Variants in POLM observed in about 807,000 individuals in gnomAD.
The protein encoded by POLM is DNA-directed DNA/RNA polymerase mu.
A neutral mutation model predicts 56.7 loss-of-function variants in POLM; 52 were observed. The ratio of observed to expected loss-of-function variants is 0.92; its 90% CI spans 0.73 to 1.15. The LOEUF (loss-of-function observed/expected upper bound fraction) is 1.15. Ranked by LOEUF, POLM falls within the 50% of genes most tolerant of loss-of-function variation. The pLI is 0.00. For missense variants in POLM, 660 were observed against 663.6 expected (o/e 0.99, Z 0.06); for synonymous variants, 273 against 274.3 (o/e 1.00, Z 0.05).
rs776489650 is a variant in POLM at position 44,074,169 on chromosome 7, C to T, written c.1033G>A (p.Gly345Arg). The T allele has an allele frequency of 1.9e-6, 3 of 1,603,272 alleles. No individual in the cohort carries two copies. The South Asian group carries it at 3.3e-5, about 18-fold the overall frequency. Residue 345 changes from glycine (G) to arginine (R), a missense_variant, in exon 8 of 11, where the codon GGG (glycine) becomes AGG (arginine). Physicochemically the swap from Gly to Arg is moderately radical, Grantham distance 125. Transcript: ENST00000242248. ...CGGCACATCACTCTAGGCAGCAGCC[C>T]CGCCTCCTGACCCTCCTTGGGGTGG... ...ITHPKEGQEA[G>R]LLPRVMCRLQ...
In POLM at chr7:44,073,152, T is replaced by C. The variant is rs28382662; in HGVS notation, c.*139A>G. On this transcript the variant is annotated 3_prime_UTR_variant, in exon 11 of 11. Transcript: ENST00000242248. ...GGCTCAACTGATCCTGCAGGCACAATTGACCTCCGGAAGAGCCAGGCCTTG... is the reference window on the plus strand; with the variant it reads ...GGCTCAACTGATCCTGCAGGCACAACTGACCTCCGGAAGAGCCAGGCCTTG... The C allele has an allele frequency of 2.7e-3, 4,211 of 1,533,730 alleles. 11 individuals carry two copies. Among genetic ancestry groups the C allele is most frequent in the East Asian group, 5.4e-3 (225 of 41,500 alleles).
Position 44,078,538 on chromosome 7 carries a change from C to T in POLM, c.714+202G>A, listed in dbSNP as rs980527614. ...GATCTAGAAAATTCTGTCCTCAAAA[C>T]AAGCTTCTTCCTTGCCTGTCTCCAC... On this transcript the variant is annotated intron_variant, in intron 5 of 10. Coordinates refer to ENST00000242248, the MANE Select transcript of POLM (RefSeq NM_013284.4). 4 of 577,698 alleles carry T rather than the reference C, an allele frequency of 6.9e-6. No homozygotes were observed. The Admixed American group carries it at 1.3e-4, about 18-fold the overall frequency. The allele number at this position is 577,698 out of a possible 1,614,324, so 35.8% of individuals were successfully genotyped here.
At chr7:44,081,709 C>A (rs2096200358) in intron 1 of POLM, among the ~76,000 whole-genome samples, 1 of 150,852 alleles carries the variant, frequency 6.6e-6, no homozygotes, top group East Asian at 2.0e-4. Context: ...ACAGGTGGGA[C>A]ATAGCCCAGG....
rs1554319741 is a variant in POLM, at chr7:44,080,834, G to A, written c.271C>T (p.Pro91Ser). ...AGAGCTGGGGGGGTGCAACCCGGGG[G>A]AGCAGCTGCCATCCTGCGCTCCTGC... ...SWQERRMAAAPPGCTPPALLD... is the reference protein window; with the variant it reads ...SWQERRMAAASPGCTPPALLD... The change falls in exon 2 of 11, where the codon CCC (proline) becomes TCC (serine). Residue 91 changes from proline to serine, a missense_variant. Transcript: ENST00000242248. 6.2e-7 allele frequency: 1 copy of A among 1,612,720 alleles called. No homozygotes were observed. The highest frequency in any genetic ancestry group is 1.1e-5 in the South Asian group (1 of 90,950).
chr7:44,079,444 C>A, intron 4 of POLM, 127 bp downstream of exon 4: 2 of 834,342 alleles, frequency 2.4e-6, no homozygotes, highest in Non-Finnish European at 3.8e-6. Context: ...CTTGTTGAGG[C>A]CTTGGAGCAG....
At chr7:44,078,374 G>A in intron 5 of POLM, 1 of 223,266 alleles carries the variant, frequency 4.5e-6, no homozygotes, top group South Asian at 6.9e-5. Context: ...ACTGAGGTGG[G>A]AGGATGGTTT....
intron 2 of POLM, chr7:44,080,520 G>C (rs751797981): frequency 1.4e-5 from 10 of 699,490 alleles, no homozygotes; most frequent in Non-Finnish European, 2.6e-5. Flanking sequence ...TCAGTGGTGA[G>C]AACAGAAGCT....
chr7:44,079,255 C>T (rs28382639), intron 4 of POLM, among the ~76,000 whole-genome samples: 4,076 of 152,296 alleles, frequency 0.027, 194 homozygotes, highest in African/African-American at 0.094. Flanking sequence ...AAAAGAGATG[C>T]TCACACTCAG....
chr7:44,077,807 G>A (rs973337351), intron 5 of POLM, among the ~76,000 whole-genome samples: 3 of 152,126 alleles, frequency 2.0e-5, no homozygotes, highest in African/African-American at 7.2e-5. Context: ...CATTCTGTGT[G>A]ACCTCCCAAG....
Position 44,080,892 on chromosome 7 carries a change from C to T in POLM, c.213G>A (p.Met71Ile). ...ACSSEATHVV[M>I]EETSAEEAVS... ...CGGCCTCCTCTGCTGAGGTCTCTTCCATCACAACATGTGTCGCTTCGGAGC... is the reference window on the plus strand; with the variant it reads ...CGGCCTCCTCTGCTGAGGTCTCTTCTATCACAACATGTGTCGCTTCGGAGC... The change falls in exon 2 of 11, where the codon ATG becomes ATA. Residue 71 changes from methionine to isoleucine, a missense_variant. By Grantham distance (10) the Met-to-Ile change is conservative. Transcript: ENST00000242248. 2 of 1,586,418 alleles carry T rather than the reference C, an allele frequency of 1.3e-6. No individual in the cohort carries two copies. The highest frequency in any genetic ancestry group is 1.7e-6 in the Non-Finnish European group (2 of 1,167,402).
chr7:44,078,611 G>C, intron 5 of POLM, 129 bp downstream of exon 5: 1 of 762,812 alleles, frequency 1.3e-6, no homozygotes. Flanking sequence ...CCACTTCCTC[G>C]GCAAGACCTT....
rs1438533914 is a variant in POLM at position 44,073,134 on chromosome 7, C to T, written c.*157G>A. 1 of 1,507,690 alleles carries T rather than the reference C, an allele frequency of 6.6e-7. No homozygotes were observed. The highest frequency in any genetic ancestry group is 2.4e-5 in the East Asian group (1 of 40,818). The allele number at this position is 1,507,690 out of a possible 1,614,324, so 93.4% of individuals were successfully genotyped here. ...CTGCAGCACACCAGCAGGGGCTCAA[C>T]TGATCCTGCAGGCACAATTGACCTC... On this transcript the variant is annotated 3_prime_UTR_variant, in exon 11 of 11. Coordinates refer to ENST00000242248, the MANE Select transcript of POLM (RefSeq NM_013284.4).
rs1303478734 is a variant in POLM at position 44,073,278 on chromosome 7, G to C, written c.*13C>G. 6.2e-7 allele frequency: 1 copy of C among 1,614,224 alleles called. No homozygotes were observed. The highest frequency in any genetic ancestry group is 8.5e-7 in the Non-Finnish European group (1 of 1,180,022). On this transcript the variant is annotated 3_prime_UTR_variant, in exon 11 of 11. Coordinates refer to ENST00000242248, the MANE Select transcript of POLM (RefSeq NM_013284.4). ...CCCAATTTCCTGAGTGGAAGTGGGG[G>C]ACACAGGCAGGCTCAGGCGTTTCTC...
At position 44,080,216 on chromosome 7, in the gene POLM, C is replaced by A. The variant is rs1314286094; in HGVS notation, c.373-257G>T. On this transcript the variant is annotated intron_variant, in intron 2 of 10. Coordinates refer to ENST00000242248, the MANE Select transcript of POLM (RefSeq NM_013284.4). Reference sequence around the variant, plus strand: ...CCTGTGGGCACTTCTCCTGCTGCTGCACATGATGCATGTACTCCATCACCC... The same window carrying A: ...CCTGTGGGCACTTCTCCTGCTGCTGAACATGATGCATGTACTCCATCACCC... 5 of 560,622 alleles carry A rather than the reference C, an allele frequency of 8.9e-6. No individual in the cohort carries two copies. The East Asian group carries it at 1.6e-4, about 18-fold the overall frequency. 34.7% of individuals were successfully genotyped at this position (560,622 alleles called of 1,614,324 possible).
At chr7:44,074,640 G>T in intron 6 of POLM, 110 bp from the exon 7 acceptor site, 2 of 1,292,528 alleles carry the variant, frequency 1.5e-6, no homozygotes, top group South Asian at 1.6e-5. Context: ...TGCAGGACCA[G>T]GAGAGGCCTC....
intron 4 of POLM, 43 bp downstream of exon 4, chr7:44,079,528 T>TCCCCCC: frequency 7.3e-6 from 11 of 1,506,306 alleles, no homozygotes; most frequent in Non-Finnish European, 8.2e-6. Flanking sequence ...CCCCAAGGCC[T>TCCCCCC]CCCCACCCAC....
intron 4 of POLM, 46 bp downstream of exon 4, chr7:44,079,525 G>C (rs745676708): frequency 5.1e-6 from 8 of 1,570,282 alleles, no homozygotes; most frequent in Non-Finnish European, 6.1e-6. Context: ...AGGCCCCAAG[G>C]CCTCCCCACC....
intron 6 of POLM, among the ~76,000 whole-genome samples, chr7:44,075,411 C>A (rs149535054): frequency 1.3e-5 from 2 of 152,196 alleles, no homozygotes; most frequent in South Asian, 4.1e-4. Flanking sequence ...TCTCAGTAAA[C>A]GCTGCTAACC....
At chr7:44,079,216 A>G (rs892064960) in intron 4 of POLM, among the ~76,000 whole-genome samples, 4 of 152,226 alleles carry the variant, frequency 2.6e-5, no homozygotes, top group Non-Finnish European at 5.9e-5. Context: ...AAAGTGCACT[A>G]AAGGACAACT....
Sources: allele counts gnomAD v4.1 joint callset (sites outside exome capture counted in the v4.1 genomes callset), GRCh38; gene constraint gnomAD v4.1.1; transcripts MANE v1.5; gene names NCBI Gene and HGNC (gene_info 2026-07-23, HGNC 2026-07-21).